Variants in NKAIN2 observed in about 807,000 individuals in gnomAD.
The protein encoded by NKAIN2 is sodium/potassium-transporting ATPase subunit beta-1-interacting protein 2.
Under a neutral mutation model 32.6 loss-of-function variants are expected in NKAIN2, and 14 were observed. The ratio of observed to expected loss-of-function variants is 0.43; its 90% CI spans 0.28 to 0.67. The LOEUF is 0.67. Among genes scored for constraint, NKAIN2 ranks in the 30% least tolerant of loss-of-function variants. NKAIN2 has a pLI of 0.17. For synonymous variants in NKAIN2, 80 were observed against 87.2 expected (o/e 0.92, Z 0.46); for missense variants, 198 against 258.3 (o/e 0.77, Z 1.60).
At chr6:124,563,429 G>A (rs560765333) in intron 3 of NKAIN2, among the ~76,000 whole-genome samples, 6 of 152,074 alleles carry the variant, frequency 3.9e-5, no homozygotes, top group South Asian at 2.1e-4. Flanking sequence ...TCAAATGTCC[G>A]CTGCTACTGT....
chr6:123,804,088 C>A lies in NKAIN2; in HGVS notation c.-113C>A, dbSNP rs1014068094. The A allele has an allele frequency of 1.8e-5, 17 of 947,784 alleles. No homozygotes were observed. Among genetic ancestry groups the A allele is most frequent in the Middle Eastern group, 3.1e-4 (1 of 3,262 alleles). The allele number at this position is 947,784 out of a possible 1,614,324, so 58.7% of individuals were successfully genotyped here. A position where few individuals can be genotyped will look rare whatever the true frequency, so the allele number is the denominator to read the frequency against. ...GCTGGCAGCAGCAGCAGCCCGGAGC[C>A]CCCGAGCCCTCGGCAGGTTTGCGTG... On this transcript the variant is annotated 5_prime_UTR_variant, in exon 1 of 7. Transcript: ENST00000368417.
At chr6:124,428,031 C>G (rs922574285) in intron 3 of NKAIN2, among the ~76,000 whole-genome samples, 2 of 152,230 alleles carry the variant, frequency 1.3e-5, no homozygotes, top group East Asian at 3.9e-4. Context: ...TTGCTCATTT[C>G]CTTTTGGTCT....
At chr6:124,634,935 G>T (rs943587319) in intron 3 of NKAIN2, among the ~76,000 whole-genome samples, 1 of 150,476 alleles carries the variant, frequency 6.6e-6, no homozygotes, top group Non-Finnish European at 1.5e-5. Flanking sequence ...CAGAAGAATA[G>T]TATGAGGTAA....
intron 1 of NKAIN2, among the ~76,000 whole-genome samples, chr6:124,090,138 C>T (rs568865928): frequency 4.0e-5 from 6 of 151,764 alleles, no homozygotes; most frequent in East Asian, 1.9e-4. Flanking sequence ...GAATGTTTGT[C>T]GAATGGATAA....
At chr6:124,625,671 T>C (rs183161145) in intron 3 of NKAIN2, among the ~76,000 whole-genome samples, 121 of 151,616 alleles carry the variant, frequency 8.0e-4, no homozygotes, top group African/African-American at 2.8e-3. Flanking sequence ...GAAGTTATTT[T>C]CATGAGCACC....
rs150277427 is a variant in NKAIN2 at position 124,759,654 on chromosome 6, CA to C, written c.475-31684del. On this transcript the variant is annotated intron_variant, in intron 4 of 6. Transcript: ENST00000368417. ...ACACACACACACACACACACACACA[CA>C]CCCCCTATCTCCCTTTCCTGCCTTA... Among the ~76,000 whole-genome samples, 57 of 72,932 alleles carry C rather than the reference CA, an allele frequency of 7.8e-4. 1 individual carries two copies. Among genetic ancestry groups the C allele is most frequent in the African/African-American group, 1.7e-3 (44 of 26,176 alleles). 47.8% of individuals were successfully genotyped at this position (72,932 alleles called of 152,430 possible).
At chr6:123,955,222 AAAAG>A (rs1777517106) in intron 1 of NKAIN2, among the ~76,000 whole-genome samples, 2 of 151,880 alleles carry the variant, frequency 1.3e-5, no homozygotes, top group South Asian at 2.1e-4. Flanking sequence ...AGAAAAAGAA[AAAAG>A]AAAGAAGAAA....
At chr6:124,612,403 G>A (rs1404231176) in intron 3 of NKAIN2, among the ~76,000 whole-genome samples, 4 of 152,050 alleles carry the variant, frequency 2.6e-5, no homozygotes, top group Non-Finnish European at 5.9e-5. Context: ...AGGCTAGCTT[G>A]CATTAATTTT....
At chr6:124,715,461 GTGAGCCACTCTCCCC>G (rs1488239911) in intron 4 of NKAIN2, among the ~76,000 whole-genome samples, 3 of 152,084 alleles carry the variant, frequency 2.0e-5, no homozygotes, top group Non-Finnish European at 4.4e-5. Flanking sequence ...GCTCTGCTCC[GTGAGCCACTCTCCCC>G]TGAGCCACTC....
intron 1 of NKAIN2, among the ~76,000 whole-genome samples, chr6:124,146,684 A>G (rs1011686285): frequency 6.6e-6 from 1 of 152,220 alleles, no homozygotes; most frequent in Admixed American, 6.5e-5. Flanking sequence ...ATTAGAAATG[A>G]ATAAACACAC....
At chr6:124,559,047 G>T (rs1458962421) in intron 3 of NKAIN2, among the ~76,000 whole-genome samples, 2 of 152,114 alleles carry the variant, frequency 1.3e-5, no homozygotes, top group East Asian at 3.9e-4. Context: ...ATGGAAACTG[G>T]CTCAGAAAGC....
At chr6:123,996,170 C>T (rs1779614901) in intron 1 of NKAIN2, among the ~76,000 whole-genome samples, 3 of 152,006 alleles carry the variant, frequency 2.0e-5, no homozygotes, top group Admixed American at 1.3e-4. Flanking sequence ...TATTTTTAAT[C>T]CTTCCTTGCT....
At chr6:124,089,699 G>T (rs1046150029) in intron 1 of NKAIN2, among the ~76,000 whole-genome samples, 1 of 151,960 alleles carries the variant, frequency 6.6e-6, no homozygotes, top group Non-Finnish European at 1.5e-5. Flanking sequence ...TTGTTCATTT[G>T]TCTGGATTTT....
chr6:124,373,931 GA>G (rs1455030509), intron 3 of NKAIN2, among the ~76,000 whole-genome samples: 2 of 152,014 alleles, frequency 1.3e-5, no homozygotes, highest in African/African-American at 2.4e-5. Flanking sequence ...AGGGATGCAG[GA>G]AAAAAGACAC....
chr6:124,400,204 C>G lies in NKAIN2; in HGVS notation c.273+44857C>G, dbSNP rs141151030. Among the ~76,000 whole-genome samples, 6 of 152,146 alleles carry G rather than the reference C, an allele frequency of 3.9e-5. No individual in the cohort carries two copies. The East Asian group carries it at 1.2e-3, about 29-fold the overall frequency. Reference sequence around the variant, plus strand: ...TCTTTAAAAATGCCTGGGCCACACCCCAAGAGAACCTAATTTAATTAGTCT... The same window carrying G: ...TCTTTAAAAATGCCTGGGCCACACCGCAAGAGAACCTAATTTAATTAGTCT... On this transcript the variant is annotated intron_variant, in intron 3 of 6. Coordinates refer to ENST00000368417, the MANE Select transcript of NKAIN2 (RefSeq NM_001040214.3).
chr6:123,848,201 G>A (rs955250274), intron 1 of NKAIN2, among the ~76,000 whole-genome samples: 1 of 152,174 alleles, frequency 6.6e-6, no homozygotes, highest in Admixed American at 6.5e-5. Context: ...CTGGAGCCTA[G>A]AGCTTTGATT....
intron 3 of NKAIN2, among the ~76,000 whole-genome samples, chr6:124,453,347 A>ACACACACACG (rs1554210254): frequency 7.9e-6 from 1 of 127,134 alleles, no homozygotes; most frequent in African/African-American, 2.7e-5. Flanking sequence ...ACACACACAC[A>ACACACACACG]CACACACACA....
intron 4 of NKAIN2, among the ~76,000 whole-genome samples, chr6:124,675,526 C>T (rs1287083664): frequency 2.0e-5 from 3 of 151,996 alleles, no homozygotes; most frequent in Non-Finnish European, 4.4e-5. Context: ...TGTTCTTGGA[C>T]TTATGAGTTA....
chr6:124,095,378 T>G (rs536677597), intron 1 of NKAIN2, among the ~76,000 whole-genome samples: 2 of 152,328 alleles, frequency 1.3e-5, no homozygotes, highest in South Asian at 2.1e-4. Flanking sequence ...TGATGCATTC[T>G]GAATCTGAAT....
Sources: allele counts gnomAD v4.1 joint callset (sites outside exome capture counted in the v4.1 genomes callset), GRCh38; gene constraint gnomAD v4.1.1; transcripts MANE v1.5; gene names NCBI Gene and HGNC (gene_info 2026-07-23, HGNC 2026-07-21).